The following OSMR variants were observed in gnomAD, a reference collection of about 807,000 sequenced individuals.
OSMR encodes the protein oncostatin M receptor, also known as oncostatin-M-specific receptor subunit beta.
A neutral mutation model predicts 99.9 loss-of-function variants in OSMR; 81 were observed. The ratio of observed to expected loss-of-function variants is 0.81; its 90% CI spans 0.68 to 0.97. OSMR has a LOEUF of 0.97. OSMR is among the 50% of genes least tolerant of loss of function. The probability of loss-of-function intolerance (pLI) is 0.00; values close to 1 mark genes in which losing one functional copy is unlikely to be tolerated. For missense variants in OSMR, 1,099 were observed against 1,153.4 expected (o/e 0.95, Z 0.68); for synonymous variants, 406 against 410.4 (o/e 0.99, Z 0.13).
chr5:38,907,621 T>C (rs1335254353), intron 9 of OSMR, among the ~76,000 whole-genome samples: 1 of 152,016 alleles, frequency 6.6e-6, no homozygotes, highest in African/African-American at 2.4e-5. Context: ...CTAGCTGGAG[T>C]TGCAGCCTCA....
intron 9 of OSMR, among the ~76,000 whole-genome samples, chr5:38,910,976 C>A (rs1293429194): frequency 6.6e-6 from 1 of 152,198 alleles, no homozygotes; most frequent in Non-Finnish European, 1.5e-5. Flanking sequence ...CATCACTACA[C>A]TCCAGCCTGG....
At position 38,921,662 on chromosome 5, in the gene OSMR, C is replaced by T. The variant is rs61747090; in HGVS notation, c.1633C>T (p.Leu545=). The change falls in exon 12 of 18, where the codon CTG becomes TTG. Residue 545 remains leucine (L), a synonymous_variant. Transcript: ENST00000274276. ...TGCAGGCACAGAGGGTGGATTCTCT[C>T]TGTCTTGGAAACCCCAACCTGGAGA... The part of the protein sequence containing the change: ...RIAGTEGGFS[L]SWKPQPGDVI... The T allele has an allele frequency of 2.5e-6, 4 of 1,614,178 alleles. No individual in the cohort carries two copies. Among genetic ancestry groups the T allele is most frequent in the Non-Finnish European group, 3.4e-6 (4 of 1,180,018 alleles).
At chr5:38,889,824 A>C (rs1357568314) in intron 7 of OSMR, among the ~76,000 whole-genome samples, 1 of 152,040 alleles carries the variant, frequency 6.6e-6, no homozygotes, top group Non-Finnish European at 1.5e-5. Context: ...TGTAATTTTT[A>C]TTACCTGTTT....
chr5:38,910,197 C>A (rs1488597171), intron 9 of OSMR, among the ~76,000 whole-genome samples: 1 of 152,124 alleles, frequency 6.6e-6, no homozygotes, highest in African/African-American at 2.4e-5. Context: ...ATATATGCAC[C>A]TAACACAAGA....
chr5:38,904,206 G>A, intron 8 of OSMR, 147 bp from the exon 9 acceptor site: 1 of 1,525,456 alleles, frequency 6.6e-7, no homozygotes, highest in South Asian at 1.3e-5. Flanking sequence ...GGGCCTTGAA[G>A]ATTTTTTTCC....
At chr5:38,877,292 G>A (rs528495561) in intron 3 of OSMR, among the ~76,000 whole-genome samples, 1 of 152,306 alleles carries the variant, frequency 6.6e-6, no homozygotes, top group East Asian at 1.9e-4. Flanking sequence ...AGCATGGTTA[G>A]TTCCTTTGGT....
intron 2 of OSMR, chr5:38,875,971 T>C (rs1251733859): frequency 6.0e-6 from 1 of 165,316 alleles, no homozygotes; most frequent in East Asian, 1.9e-4. Context: ...ATGTATGAGC[T>C]TGCTGTGTAT....
At chr5:38,930,281 AG>A (rs1405946998) in intron 15 of OSMR, among the ~76,000 whole-genome samples, 3 of 152,142 alleles carry the variant, frequency 2.0e-5, no homozygotes, top group Non-Finnish European at 4.4e-5. Context: ...CCCCTTTTCC[AG>A]GGTCAGGGTT....
chr5:38,906,910 A>T lies in OSMR; in HGVS notation c.1285+2407A>T, dbSNP rs552414576. Among the ~76,000 whole-genome samples, 136 of 152,332 alleles carry T rather than the reference A, an allele frequency of 8.9e-4. 1 individual carries two copies. Among genetic ancestry groups the T allele is most frequent in the African/African-American group, 3.2e-3 (132 of 41,584 alleles). ...TAGGAAAGTTATTTTTTAATATTTG[A>T]AACACCTTAATTTTGTTAAATTTTG... On this transcript the variant is annotated intron_variant, in intron 9 of 17. Coordinates refer to ENST00000274276, the MANE Select transcript of OSMR (RefSeq NM_003999.3).
At chr5:38,938,127 TATAA>T (rs939425625), downstream of OSMR, 12 of 211,916 alleles carry the variant, frequency 5.7e-5, no homozygotes, top group African/African-American at 2.0e-4. Context: ...ACAGAAAAAA[TATAA>T]ATACTTTTTC....
chr5:38,932,346 C>T (rs1406546115), intron 16 of OSMR, 117 bp from the exon 17 acceptor site: 3 of 765,502 alleles, frequency 3.9e-6, no homozygotes, highest in East Asian at 5.3e-5. Flanking sequence ...AATTAAGTAA[C>T]TTGCTTAATA....
intron 7 of OSMR, among the ~76,000 whole-genome samples, chr5:38,898,558 T>G (rs1744674393): frequency 6.6e-6 from 1 of 152,174 alleles, no homozygotes; most frequent in Non-Finnish European, 1.5e-5. Flanking sequence ...ATTCAGCCAC[T>G]CTATGTCTTT....
chr5:38,932,840 T>C (rs1159380261), intron 17 of OSMR, 32 bp from the exon 18 acceptor site: 1 of 1,612,798 alleles, frequency 6.2e-7, no homozygotes, highest in East Asian at 2.2e-5. Context: ...CACACAAATG[T>C]CTATATTTAC....
chr5:38,852,185 T>C (rs912532398), intron 1 of OSMR, among the ~76,000 whole-genome samples: 1 of 152,252 alleles, frequency 6.6e-6, no homozygotes, highest in Non-Finnish European at 1.5e-5. Context: ...TAATTATTTT[T>C]CTGTTCTTTT....
chr5:38,861,081 G>T (rs1741249446), intron 1 of OSMR, among the ~76,000 whole-genome samples: 4 of 152,130 alleles, frequency 2.6e-5, no homozygotes, highest in Admixed American at 2.0e-4. Flanking sequence ...GTTGTGGTTT[G>T]AGGAAACACT....
At chr5:38,881,403 C>T in intron 3 of OSMR, 190 bp from the exon 4 acceptor site, 2 of 827,366 alleles carry the variant, frequency 2.4e-6, no homozygotes, top group Non-Finnish European at 2.9e-6. Context: ...TTTCAAAAGG[C>T]AGGAGGTCAT....
chr5:38,945,074 G>GA (rs767644787), exon 3 of OSMR: 3 of 1,575,358 alleles, frequency 1.9e-6, no homozygotes, highest in African/African-American at 2.7e-5. Context: ...AAAGTCTGAA[G>GA]AAAAAAATAA....
chr5:38,919,533 A>G, intron 11 of OSMR: 1 of 351,334 alleles, frequency 2.8e-6, no homozygotes, highest in South Asian at 2.4e-5. Flanking sequence ...CCAACTTTGT[A>G]GAATAAAAGA....
intron 1 of OSMR, chr5:38,941,147 T>C (rs1171778204): frequency 4.3e-6 from 1 of 232,786 alleles, no homozygotes; most frequent in African/African-American, 2.2e-5. Flanking sequence ...AACCTTGCCC[T>C]CATCAACTTA....
Sources: gnomAD v4.1 joint callset for allele counts (sites outside exome capture counted in the v4.1 genomes callset) on GRCh38, gnomAD v4.1.1 for gene constraint, MANE v1.5 for transcripts, NCBI Gene and HGNC (gene_info 2026-07-23, HGNC 2026-07-21) for gene names.